The following SLC9A3 variants were observed in gnomAD, a reference collection of about 807,000 sequenced individuals.
SLC9A3 encodes the protein sodium/hydrogen exchanger 3.
Under a neutral mutation model 86.8 loss-of-function variants are expected in SLC9A3, and 37 were observed. The ratio of observed to expected loss-of-function variants is 0.43; its 90% CI spans 0.33 to 0.56. SLC9A3 has a LOEUF of 0.56. SLC9A3 is among the 20% of genes least tolerant of loss of function. The pLI is 0.06. For missense variants in SLC9A3, 1,011 were observed against 1,171.9 expected (o/e 0.86, Z 2.00); for synonymous variants, 581 against 528.3 (o/e 1.10, Z -1.37).
intron 1 of SLC9A3, among the ~76,000 whole-genome samples, chr5:512,673 A>C (rs980187469): frequency 1.3e-5 from 2 of 152,212 alleles, no homozygotes; most frequent in African/African-American, 4.8e-5. Context: ...AAGAAATTTA[A>C]GTCTATTCGT....
At chr5:520,817 C>T (rs1733864583) in intron 1 of SLC9A3, among the ~76,000 whole-genome samples, 1 of 151,898 alleles carries the variant, frequency 6.6e-6, no homozygotes, top group Non-Finnish European at 1.5e-5. Flanking sequence ...ACCCCAGGGC[C>T]CCCACCCAGT....
rs567713433 is a variant in SLC9A3 at position 483,545 on chromosome 5, C to T, written c.933-63G>A. 6.9e-4 allele frequency: 822 copies of T among 1,199,170 alleles called. 2 individuals are homozygous for T. In the African/African-American group the frequency reaches 7.6e-3, roughly 11 times the overall value. 74.3% of individuals were successfully genotyped at this position (1,199,170 alleles called of 1,614,324 possible). Reference sequence around the variant, plus strand: ...GCCTGGCGCCCGAGGCCCCCGTGTCCGCCCAGCCCCCCACGGCCTGGCGCC... The same window carrying T: ...GCCTGGCGCCCGAGGCCCCCGTGTCTGCCCAGCCCCCCACGGCCTGGCGCC... On this transcript the variant is annotated intron_variant, in intron 5 of 16. Coordinates refer to ENST00000264938, the MANE Select transcript of SLC9A3 (RefSeq NM_004174.4).
At position 477,325 on chromosome 5, in the gene SLC9A3, C is replaced by T. The variant is rs1234181210; in HGVS notation, c.1760+7G>A. 6.3e-6 allele frequency: 10 copies of T among 1,579,328 alleles called. No individual in the cohort carries two copies. Among genetic ancestry groups the T allele is most frequent in the East Asian group, 4.5e-5 (2 of 44,244 alleles). ...CCCAGGGAAGCTGCATGACCATGGC[C>T]ACATACAGGAGGTAGGAGACAGAGG... is the stretch of plus-strand genomic sequence containing the variant. On this transcript the variant is annotated splice_region_variant and intron_variant, in intron 11 of 16. Transcript: ENST00000264938.
chr5:505,956 G>A (rs1277332617), intron 1 of SLC9A3, among the ~76,000 whole-genome samples: 6 of 151,898 alleles, frequency 4.0e-5, no homozygotes, highest in Non-Finnish European at 8.8e-5. Context: ...TGCAGGTGGA[G>A]CCTCTGAAAG....
In SLC9A3 at chr5:472,984, G is replaced by C; in HGVS notation, c.*395C>G. The C allele has an allele frequency of 2.0e-6, 1 of 492,654 alleles. No homozygotes were observed. Among genetic ancestry groups the C allele is most frequent in the Non-Finnish European group, 3.6e-6 (1 of 278,876 alleles). The allele number at this position is 492,654 out of a possible 1,614,324, so 30.5% of individuals were successfully genotyped here. A position where few individuals can be genotyped will look rare whatever the true frequency, so the allele number is the denominator to read the frequency against. On this transcript the variant is annotated 3_prime_UTR_variant, in exon 17 of 17. Transcript: ENST00000264938. ...CGGCGTCACAGCGGCGTCTCCTCCT[G>C]CTCCAGCGCGTGCGGCGGTGCGTGG...
Position 482,559 on chromosome 5 carries a change from C to A in SLC9A3, c.1345G>T (p.Val449Phe). 6.2e-7 allele frequency: 1 copy of A among 1,610,402 alleles called. No homozygotes were observed. The highest frequency in any genetic ancestry group is 8.5e-7 in the Non-Finnish European group (1 of 1,177,832). The part of the protein sequence containing the change: ...STTIIVVFFT[V>F]IFQGLTIKPL... The stretch of plus-strand genomic sequence containing the variant: ...GGGCTGGGCCTCACCTGGAAGATGA[C>A]GGTGAAGAACACTACGATGATGGTG... The change falls in exon 7 of 17, where the codon GTC becomes TTC. Residue 449 changes from valine (V) to phenylalanine (F), a missense_variant. This residue lies in a region of SLC9A3 where 565 missense variants were observed against 790.0 expected (regional missense o/e 0.72). Transcript: ENST00000264938.
At chr5:475,525 C>T in intron 15 of SLC9A3, 36 bp downstream of exon 15, 2 of 1,315,080 alleles carry the variant, frequency 1.5e-6, no homozygotes, top group South Asian at 1.3e-5. Context: ...AGGAGCCACC[C>T]CTCCCTTAGC....
At position 482,647 on chromosome 5, in the gene SLC9A3, G is replaced by T. The variant is rs756435404; in HGVS notation, c.1257C>A (p.Ala419=). ...LSYGGLRGAV[A]FALVVLLDGD... ...CATCCAGAAGCACCACCAGGGCAAA[G>T]GCCACGGCCCCGCGCAGGCCCCCGT... Residue 419 remains alanine, a synonymous_variant, in exon 7 of 17, where the codon GCC becomes GCA. Coordinates refer to ENST00000264938, the MANE Select transcript of SLC9A3 (RefSeq NM_004174.4). The T allele has an allele frequency of 6.2e-7, 1 of 1,612,820 alleles. No homozygotes were observed.
intron 3 of SLC9A3, 143 bp from the exon 4 acceptor site, chr5:485,374 G>T: frequency 1.4e-6 from 1 of 701,794 alleles, no homozygotes; most frequent in Non-Finnish European, 2.6e-6. Flanking sequence ...CAGGGCAATG[G>T]CCCCCAAAGG....
Position 476,319 on chromosome 5 carries a change from C to G in SLC9A3, c.1950G>C (p.Arg650=). The G allele has an allele frequency of 6.2e-7, 1 of 1,613,972 alleles. No homozygotes were observed. Among genetic ancestry groups the G allele is most frequent in the Non-Finnish European group, 8.5e-7 (1 of 1,180,018 alleles). The change falls in exon 13 of 17, where the codon CGG becomes CGC. Residue 650 remains arginine, a synonymous_variant. Transcript: ENST00000264938. The part of the protein sequence containing the change: ...LTPTEDEKQD[R]EIFHRTMRKR... ...TCCGCATGGTCCTGTGGAAGATTTC[C>G]CGGTCCTGTTTCTCGTCCTCCGTGG...
chr5:510,502 G>C (rs1029696119), intron 1 of SLC9A3, among the ~76,000 whole-genome samples: 8 of 152,224 alleles, frequency 5.3e-5, no homozygotes, highest in African/African-American at 1.9e-4. Context: ...AGGGGCTGCT[G>C]TTTTCTCGAG....
At chr5:481,736 C>T (rs1033442669) in intron 8 of SLC9A3, 101 bp from the exon 9 acceptor site, 51 of 996,172 alleles carry the variant, frequency 5.1e-5, no homozygotes, top group Non-Finnish European at 7.3e-5. Context: ...CACCAGCCCC[C>T]CTCACCACGC....
intron 1 of SLC9A3, among the ~76,000 whole-genome samples, chr5:506,515 C>T (rs115205373): frequency 0.021 from 3,210 of 152,348 alleles, 55 homozygotes; most frequent in Non-Finnish European, 0.032. Flanking sequence ...CGGGGCACCA[C>T]TCCAGAGCTG....
At position 507,312 on chromosome 5, in the gene SLC9A3, C is replaced by T. The variant is rs368199945; in HGVS notation, c.212-15241G>A. On this transcript the variant is annotated intron_variant, in intron 1 of 16. Coordinates refer to ENST00000264938, the MANE Select transcript of SLC9A3 (RefSeq NM_004174.4). ...CCTCCCGAGTAGCTGGGACTACAGG[C>T]GCCCGCCACCACGCCCAGCTAATTT... 6.9e-4 allele frequency among the ~76,000 whole-genome samples: 100 copies of T among 145,280 alleles called. 3 individuals are homozygous for T. In the East Asian group the frequency reaches 0.01, roughly 15 times the overall value.
intron 3 of SLC9A3, among the ~76,000 whole-genome samples, chr5:488,051 G>A (rs774554201): frequency 6.6e-6 from 1 of 152,238 alleles, no homozygotes; most frequent in Non-Finnish European, 1.5e-5. Flanking sequence ...CCAGGAGGGC[G>A]GGATTTCAAC....
chr5:495,253 G>T (rs1384914636), intron 1 of SLC9A3, among the ~76,000 whole-genome samples: 1 of 152,112 alleles, frequency 6.6e-6, no homozygotes, highest in Non-Finnish European at 1.5e-5. Flanking sequence ...GGTTCACAGC[G>T]ATCACCACCG....
intron 1 of SLC9A3, among the ~76,000 whole-genome samples, chr5:504,521 C>T (rs1403757529): frequency 6.6e-5 from 10 of 152,172 alleles, no homozygotes; most frequent in Non-Finnish European, 1.3e-4. Flanking sequence ...GGGAGGGTGC[C>T]GGGACCTTCA....
intron 10 of SLC9A3, chr5:477,736 T>A: frequency 2.8e-6 from 1 of 352,118 alleles, no homozygotes; most frequent in Non-Finnish European, 5.2e-6. Flanking sequence ...TAAAGCTGCC[T>A]GGGACTTGGG....
intron 9 of SLC9A3, chr5:480,849 G>GT (rs1196772648): frequency 6.6e-6 from 1 of 152,222 alleles, no homozygotes; most frequent in Non-Finnish European, 1.5e-5. Flanking sequence ...AGTGTCACAT[G>GT]TTTTTTATAA....
Sources: allele counts gnomAD v4.1 joint callset (sites outside exome capture counted in the v4.1 genomes callset), GRCh38; gene constraint gnomAD v4.1.1; regional missense constraint gnomAD v4.1.1; transcripts MANE v1.5; gene names NCBI Gene and HGNC (gene_info 2026-07-23, HGNC 2026-07-21).